Variants in DNAJC17 observed in about 807,000 individuals in gnomAD.
The protein encoded by DNAJC17 is DnaJ heat shock protein family (Hsp40) member C17.
Under a neutral mutation model 48.1 loss-of-function variants are expected in DNAJC17, and 35 were observed. The ratio of observed to expected loss-of-function variants is 0.73; its 90% CI spans 0.56 to 0.96. The LOEUF (loss-of-function observed/expected upper bound fraction) is 0.96, where lower values mean the gene tolerates loss of function less well. Ranked by LOEUF, DNAJC17 falls within the 50% of genes least tolerant of loss-of-function variation. DNAJC17 has a pLI of 0.00. For missense variants in DNAJC17, 355 were observed against 377.1 expected, an observed-to-expected ratio of 0.94 and a Z score of 0.48; for synonymous variants, 117 against 142.7, an observed-to-expected ratio of 0.82 and a Z score of 1.28.
intron 1 of DNAJC17, among the ~76,000 whole-genome samples, chr15:40,788,527 T>A (rs1040801002): frequency 6.6e-6 from 1 of 151,944 alleles, no homozygotes; most frequent in African/African-American, 2.4e-5. Context: ...AAACCCCGTC[T>A]CTACTAAAAA....
rs535598354 is a variant in DNAJC17 at position 40,775,499 on chromosome 15, C to G, written c.522+54G>C. 35 of 1,591,696 alleles carry G rather than the reference C, an allele frequency of 2.2e-5. 1 individual carries two copies. Among genetic ancestry groups the G allele is most frequent in the Non-Finnish European group, 2.8e-5 (33 of 1,161,418 alleles). ...GAGCCACAGGAAGCATCTATTCCTG[C>G]TGAGGGGAGGCGGTGTGAGTGTGAG... On this transcript the variant is annotated intron_variant, in intron 7 of 10. Coordinates refer to ENST00000220496, the MANE Select transcript of DNAJC17 (RefSeq NM_018163.3).
intron 9 of DNAJC17, 50 bp downstream of exon 9, chr15:40,774,306 C>G (rs1466456333): frequency 1.2e-6 from 2 of 1,603,554 alleles, no homozygotes; most frequent in South Asian, 2.2e-5. Flanking sequence ...GGGTCCCTGC[C>G]CTAGAATGAC....
chr15:40,767,210 T>C lies in DNAJC17; in HGVS notation c.*730A>G, dbSNP rs1272913227. 8 of 1,492,476 alleles carry C rather than the reference T, an allele frequency of 5.4e-6. No individual in the cohort carries two copies. The Admixed American group carries it at 9.2e-5, about 17-fold the overall frequency. 92.5% of individuals were successfully genotyped at this position (1,492,476 alleles called of 1,614,324 possible). A position where few individuals can be genotyped will look rare whatever the true frequency, so the allele number is the denominator to read the frequency against. ...TGTGTGCCCCTCCTCACCCCCCCCA[T>C]CCTGTCTCTTTGCAGTTATGAATAC... is the stretch of plus-strand genomic sequence containing the variant. On this transcript the variant is annotated 3_prime_UTR_variant, in exon 11 of 11. Transcript: ENST00000220496.
chr15:40,767,400 G>A lies in DNAJC17; in HGVS notation c.*540C>T. 1 of 1,546,254 alleles carries A rather than the reference G, an allele frequency of 6.5e-7. No homozygotes were observed. Among genetic ancestry groups the A allele is most frequent in the South Asian group, 1.2e-5 (1 of 83,352 alleles). Reference sequence around the variant, plus strand: ...GGCACCCCTGTGGAGGGGCTGCTGTGGGCCCTGACCTCCAAGCTCCTGCCT... The same window carrying A: ...GGCACCCCTGTGGAGGGGCTGCTGTAGGCCCTGACCTCCAAGCTCCTGCCT... On this transcript the variant is annotated 3_prime_UTR_variant, in exon 11 of 11. Transcript: ENST00000220496.
chr15:40,776,061 A>G (rs1889309019), intron 6 of DNAJC17, 135 bp downstream of exon 6: 2 of 734,528 alleles, frequency 2.7e-6, no homozygotes, highest in South Asian at 3.5e-5. Context: ...GTGTCAGAGT[A>G]AGGTACCATA....
intron 4 of DNAJC17, among the ~76,000 whole-genome samples, chr15:40,777,281 C>CT (rs1162001252): frequency 0.029 from 3,819 of 131,524 alleles, 155 homozygotes; most frequent in African/African-American, 0.095. Flanking sequence ...CTCTCTCTCT[C>CT]TTTTTTTTTT....
chr15:40,800,020 T>G (rs559191241), intron 1 of DNAJC17, among the ~76,000 whole-genome samples: 27 of 152,064 alleles, frequency 1.8e-4, no homozygotes, highest in African/African-American at 5.8e-4. Flanking sequence ...TGTTGTTGTT[T>G]TTGTCTTCAT....
intron 1 of DNAJC17, among the ~76,000 whole-genome samples, chr15:40,790,726 T>A (rs1889776920): frequency 6.6e-6 from 1 of 152,214 alleles, no homozygotes; most frequent in African/African-American, 2.4e-5. Flanking sequence ...GCTTTCAAGG[T>A]CTCATCAAAT....
intron 10 of DNAJC17, among the ~76,000 whole-genome samples, chr15:40,768,956 C>T (rs973800635): frequency 2.6e-5 from 4 of 152,224 alleles, no homozygotes; most frequent in African/African-American, 4.8e-5. Context: ...CCCTGATCCG[C>T]GGTACCCCGC....
intron 10 of DNAJC17, 145 bp from the exon 11 acceptor site, chr15:40,768,207 T>C: frequency 8.4e-7 from 1 of 1,192,260 alleles, no homozygotes; most frequent in Non-Finnish European, 1.1e-6. Context: ...GGAGCATCCT[T>C]TTGGAATCCT....
intron 1 of DNAJC17, chr15:40,806,977 G>C (rs538563388): frequency 2.0e-4 from 83 of 413,300 alleles, no homozygotes; most frequent in African/African-American, 1.6e-3. Flanking sequence ...TAGGCTCTTA[G>C]TGGAAGAATT....
At chr15:40,773,108 G>A (rs1029591422) in intron 10 of DNAJC17, among the ~76,000 whole-genome samples, 4 of 151,974 alleles carry the variant, frequency 2.6e-5, no homozygotes, top group Admixed American at 1.3e-4. Context: ...TTACAGGTGC[G>A]CACCATCATG....
chr15:40,784,960 T>C (rs1596086463), intron 1 of DNAJC17, among the ~76,000 whole-genome samples: 1 of 152,030 alleles, frequency 6.6e-6, no homozygotes. Context: ...TAGCTGGGCA[T>C]GGTGGTGGGA....
chr15:40,777,570 T>C (rs1447769112), intron 4 of DNAJC17, among the ~76,000 whole-genome samples: 1 of 151,948 alleles, frequency 6.6e-6, no homozygotes, highest in South Asian at 2.1e-4. Context: ...AATACAAAAA[T>C]TAGCCGGGTG....
intron 1 of DNAJC17, among the ~76,000 whole-genome samples, chr15:40,782,398 G>T (rs1889527439): frequency 6.6e-6 from 1 of 152,058 alleles, no homozygotes; most frequent in African/African-American, 2.4e-5. Context: ...TCCAGCCTGG[G>T]TGACAGAGCA....
intron 1 of DNAJC17, among the ~76,000 whole-genome samples, chr15:40,790,690 G>A (rs1216247622): frequency 1.3e-5 from 2 of 152,220 alleles, no homozygotes; most frequent in Non-Finnish European, 2.9e-5. Flanking sequence ...ATTGGTGCCA[G>A]TAGTCCTTGA....
intron 1 of DNAJC17, chr15:40,780,229 C>T (rs1162999812): frequency 4.6e-6 from 3 of 650,660 alleles, no homozygotes; most frequent in African/African-American, 1.8e-5. Flanking sequence ...TGCTCAACCT[C>T]ACCACTGCAG....
intron 1 of DNAJC17, among the ~76,000 whole-genome samples, chr15:40,798,412 G>C (rs1889992685): frequency 6.6e-6 from 1 of 152,208 alleles, no homozygotes; most frequent in African/African-American, 2.4e-5. Flanking sequence ...AAAAGTTGTA[G>C]AGATGGATGG....
At position 40,765,730 on chromosome 15, in the gene DNAJC17, C is replaced by A. The variant is rs1166487001; in HGVS notation, c.*2210G>T. On this transcript the variant is annotated 3_prime_UTR_variant, in exon 11 of 11. Coordinates refer to ENST00000220496, the MANE Select transcript of DNAJC17 (RefSeq NM_018163.3). ...CTACTCTCTGTAGCCTTTACCTGAACCTTACTCAGGGCTAGCAGGCAGGGG... is the reference window on the plus strand; with the variant it reads ...CTACTCTCTGTAGCCTTTACCTGAAACTTACTCAGGGCTAGCAGGCAGGGG... 4 of 546,408 alleles carry A rather than the reference C, an allele frequency of 7.3e-6. No homozygotes were observed. The highest frequency in any genetic ancestry group is 1.9e-5 in the African/African-American group (1 of 51,952). 33.8% of individuals were successfully genotyped at this position (546,408 alleles called of 1,614,324 possible). A position where few individuals can be genotyped will look rare whatever the true frequency, so the allele number is the denominator to read the frequency against.
Sources: gnomAD v4.1 joint callset for allele counts (sites outside exome capture counted in the v4.1 genomes callset) on GRCh38, gnomAD v4.1.1 for gene constraint, MANE v1.5 for transcripts, NCBI Gene and HGNC (gene_info 2026-07-23, HGNC 2026-07-21) for gene names.